The following TPD52 variants were observed in gnomAD, a reference collection of about 807,000 sequenced individuals.
TPD52 encodes tumor protein D52.
Under a neutral mutation model 31.3 loss-of-function variants are expected in TPD52, and 17 were observed. That is an observed-to-expected ratio of 0.54 (90% CI 0.37 to 0.82). The LOEUF (loss-of-function observed/expected upper bound fraction) is 0.82, where lower values mean the gene tolerates loss of function less well. Ranked by LOEUF, TPD52 falls within the 40% of genes least tolerant of loss-of-function variation. TPD52 has a pLI of 0.00. For synonymous variants in TPD52, 83 were observed against 89.6 expected, an observed-to-expected ratio of 0.93 and a Z score of 0.42; for missense variants, 212 against 240.1, an observed-to-expected ratio of 0.88 and a Z score of 0.77.
At chr8:80,077,282 A>G (rs1814687813) in intron 1 of TPD52, among the ~76,000 whole-genome samples, 1 of 151,992 alleles carries the variant, frequency 6.6e-6, no homozygotes, top group African/African-American at 2.4e-5. Flanking sequence ...CTCAAAAAAA[A>G]AAAAAAAAAA....
At chr8:80,087,108 T>C (rs1337540614) in intron 1 of TPD52, among the ~76,000 whole-genome samples, 1 of 152,104 alleles carries the variant, frequency 6.6e-6, no homozygotes, top group Non-Finnish European at 1.5e-5. Context: ...ACGTTAACAG[T>C]GACCCTGAGT....
chr8:80,059,397 T>A (rs76476246), intron 2 of TPD52, among the ~76,000 whole-genome samples: 4,605 of 151,140 alleles, frequency 0.03, 258 homozygotes, highest in African/African-American at 0.1. Flanking sequence ...GAGAAAAATT[T>A]AAAAAATAGA....
At chr8:80,137,734 G>A (rs867053123) in intron 1 of TPD52, among the ~76,000 whole-genome samples, 3 of 152,130 alleles carry the variant, frequency 2.0e-5, no homozygotes, top group East Asian at 1.9e-4. Context: ...AGTTTATAAC[G>A]GTGCTAGTTC....
rs934083510 is a variant in TPD52, at chr8:80,072,633, G to A, written c.20-8040C>T. 1.4e-4 allele frequency among the ~76,000 whole-genome samples: 18 copies of A among 129,932 alleles called. 6 individuals are homozygous for A. The highest frequency in any genetic ancestry group is 1.3e-4 in the Non-Finnish European group (8 of 61,250). The allele number at this position is 129,932 out of a possible 152,430, so 85.2% of individuals were successfully genotyped here. On this transcript the variant is annotated intron_variant, in intron 1 of 7. Transcript: ENST00000518937. ...TATATACATGTACACATAGATATGC[G>A]TGTATATACATGTACACAGATATGT...
At chr8:80,106,550 G>T (rs1807127057) in intron 1 of TPD52, among the ~76,000 whole-genome samples, 1 of 151,902 alleles carries the variant, frequency 6.6e-6, no homozygotes. Flanking sequence ...TAGAGAGGGG[G>T]TTTCACCGTG....
Position 80,069,419 on chromosome 8 carries a change from C to T in TPD52, c.20-4826G>A, listed in dbSNP as rs186895695. ...AGGTTGAAGCTGAATGAGCTGTGATCGTGCCACTGCACTCCAGCCTGGGCA... is the reference window on the plus strand; with the variant it reads ...AGGTTGAAGCTGAATGAGCTGTGATTGTGCCACTGCACTCCAGCCTGGGCA... On this transcript the variant is annotated intron_variant, in intron 1 of 7. Transcript: ENST00000518937. 6.4e-3 allele frequency among the ~76,000 whole-genome samples: 969 copies of T among 152,204 alleles called. 14 individuals are homozygous for T. The highest frequency in any genetic ancestry group is 0.021 in the African/African-American group (889 of 41,516).
chr8:80,163,583 C>T (rs958703384), intron 1 of TPD52, among the ~76,000 whole-genome samples: 1 of 152,104 alleles, frequency 6.6e-6, no homozygotes, highest in African/African-American at 2.4e-5. Context: ...TCGTACTGTA[C>T]ATTTAAAAAC....
intron 1 of TPD52, among the ~76,000 whole-genome samples, chr8:80,071,250 C>T (rs1813745629): frequency 6.6e-6 from 1 of 152,170 alleles, no homozygotes; most frequent in African/African-American, 2.4e-5. Flanking sequence ...TGGAAAGGGG[C>T]ATAAACACTG....
intron 7 of TPD52, among the ~76,000 whole-genome samples, chr8:80,039,307 C>G (rs558274955): frequency 6.6e-6 from 1 of 152,308 alleles, no homozygotes; most frequent in South Asian, 2.1e-4. Flanking sequence ...CAACTAGCCC[C>G]TTCTCTATTC....
In TPD52 at chr8:80,142,329, T is replaced by C. The variant is rs535886854; in HGVS notation, c.19+29096A>G. 2.1e-4 allele frequency among the ~76,000 whole-genome samples: 32 copies of C among 152,310 alleles called. No homozygotes were observed. In the South Asian group the frequency reaches 5.6e-3, roughly 27 times the overall value. On this transcript the variant is annotated intron_variant, in intron 1 of 7. Transcript: ENST00000518937. ...CCTGTGTACAGGAAAAACTGGGAAG[T>C]GATCCTGTTGGACATTAAATTAAGG... is the stretch of plus-strand genomic sequence containing the variant.
chr8:80,120,549 A>G (rs1808192977), intron 1 of TPD52, among the ~76,000 whole-genome samples: 1 of 152,202 alleles, frequency 6.6e-6, no homozygotes, highest in South Asian at 2.1e-4. Flanking sequence ...TGTAAAAGCT[A>G]TCGATGGGAC....
At chr8:80,094,873 C>T (rs10091285) in intron 1 of TPD52, among the ~76,000 whole-genome samples, 10,070 of 152,064 alleles carry the variant, frequency 0.066, 401 homozygotes, top group East Asian at 0.1. Context: ...TGTGTCCAGA[C>T]TTGTTCAGAA....
intron 1 of TPD52, among the ~76,000 whole-genome samples, chr8:80,090,719 A>C (rs1443052579): frequency 3.3e-5 from 5 of 152,194 alleles, no homozygotes; most frequent in Admixed American, 2.0e-4. Context: ...AAAAAAAAAA[A>C]AACTATCCTC....
At chr8:80,078,999 G>A (rs185405471) in intron 1 of TPD52, among the ~76,000 whole-genome samples, 3 of 152,234 alleles carry the variant, frequency 2.0e-5, no homozygotes, top group South Asian at 2.1e-4. Flanking sequence ...CTTGCACACC[G>A]ATCAAGGTCC....
At chr8:80,086,486 A>T (rs565790769) in intron 1 of TPD52, among the ~76,000 whole-genome samples, 2 of 152,088 alleles carry the variant, frequency 1.3e-5, no homozygotes, top group African/African-American at 2.4e-5. Flanking sequence ...AAGGACAAAG[A>T]CTGTGAAAAT....
intron 6 of TPD52, 147 bp downstream of exon 6, chr8:80,044,020 G>A (rs1393180108): frequency 3.2e-6 from 2 of 624,966 alleles, no homozygotes; most frequent in African/African-American, 2.0e-5. Context: ...ATCAGAGGAA[G>A]TGTAGCTGAA....
chr8:80,085,972 T>A (rs1815721299), intron 1 of TPD52, among the ~76,000 whole-genome samples: 1 of 152,072 alleles, frequency 6.6e-6, no homozygotes, highest in African/African-American at 2.4e-5. Flanking sequence ...GAGAGGCAGA[T>A]GGACCGCTCT....
intron 1 of TPD52, among the ~76,000 whole-genome samples, chr8:80,100,891 T>C (rs1309253904): frequency 3.3e-5 from 5 of 152,188 alleles, no homozygotes; most frequent in Non-Finnish European, 7.3e-5. Flanking sequence ...AGTCTACCAA[T>C]TCAAATGTTG....
chr8:80,149,067 C>T (rs1008817376), intron 1 of TPD52, among the ~76,000 whole-genome samples: 1 of 151,956 alleles, frequency 6.6e-6, no homozygotes, highest in African/African-American at 2.4e-5. Context: ...ATTATTAAAA[C>T]AAAACCAAAC....
Sources: gnomAD v4.1 joint callset for allele counts (sites outside exome capture counted in the v4.1 genomes callset) on GRCh38, gnomAD v4.1.1 for gene constraint, MANE v1.5 for transcripts, NCBI Gene and HGNC (gene_info 2026-07-23, HGNC 2026-07-21) for gene names.